Variants in TTC39B observed in about 807,000 individuals in gnomAD.
The protein encoded by TTC39B is tetratricopeptide repeat protein 39B.
Under a neutral mutation model 96.6 loss-of-function variants are expected in TTC39B, and 92 were observed. The ratio of observed to expected loss-of-function variants is 0.95; its 90% CI spans 0.80 to 1.13. The LOEUF (loss-of-function observed/expected upper bound fraction) is 1.13, where lower values mean the gene tolerates loss of function less well. TTC39B is among the 50% of genes most tolerant of loss of function. The pLI is 0.00. For missense variants in TTC39B, 955 were observed against 809.3 expected (o/e 1.18, Z -2.18); for synonymous variants, 367 against 299.4 (o/e 1.23, Z -2.33).
At chr9:15,233,699 C>T (rs577634338) in intron 2 of TTC39B, among the ~76,000 whole-genome samples, 231 of 152,298 alleles carry the variant, frequency 1.5e-3, no homozygotes, top group Non-Finnish European at 2.8e-3. Context: ...GTGATCTCGG[C>T]TCGCTACAAC....
At chr9:15,280,038 A>G (rs1198540017) in intron 1 of TTC39B, among the ~76,000 whole-genome samples, 8 of 151,696 alleles carry the variant, frequency 5.3e-5, no homozygotes, top group Non-Finnish European at 1.2e-4. Flanking sequence ...TGGGACTACA[A>G]GTACATGCCA....
intron 18 of TTC39B, 126 bp from the exon 19 acceptor site, chr9:15,175,261 G>A: frequency 1.5e-6 from 1 of 646,880 alleles, no homozygotes; most frequent in Middle Eastern, 4.1e-4. Flanking sequence ...TAGAAAGGCG[G>A]CCATTGTATA....
chr9:15,290,563 C>T (rs1824146450), intron 1 of TTC39B, among the ~76,000 whole-genome samples: 1 of 152,228 alleles, frequency 6.6e-6, no homozygotes, highest in African/African-American at 2.4e-5. Context: ...ATCCTACCAT[C>T]CACCCAGAGA....
intron 4 of TTC39B, among the ~76,000 whole-genome samples, chr9:15,213,179 G>C (rs1026982770): frequency 6.6e-6 from 1 of 151,944 alleles, no homozygotes; most frequent in African/African-American, 2.4e-5. Context: ...CTGAGAGAGG[G>C]AAAGACAAGC....
At chr9:15,211,231 C>G in intron 5 of TTC39B, 35 bp downstream of exon 5, 1 of 1,413,918 alleles carries the variant, frequency 7.1e-7, no homozygotes, top group African/African-American at 1.5e-5. Context: ...TAAAAGTTTG[C>G]AGTCACATCT....
At chr9:15,259,333 G>C (rs1822864863) in intron 2 of TTC39B, among the ~76,000 whole-genome samples, 1 of 152,174 alleles carries the variant, frequency 6.6e-6, no homozygotes, top group Non-Finnish European at 1.5e-5. Context: ...CCTGCTTGAA[G>C]TTGTTGGGGG....
chr9:15,273,848 T>TGAGA (rs1339524522), intron 1 of TTC39B, among the ~76,000 whole-genome samples: 1 of 152,166 alleles, frequency 6.6e-6, no homozygotes, highest in Non-Finnish European at 1.5e-5. Flanking sequence ...CCCATGGAGA[T>TGAGA]GAGACATGAA....
chr9:15,277,596 G>A (rs534119593), intron 1 of TTC39B, among the ~76,000 whole-genome samples: 1 of 152,170 alleles, frequency 6.6e-6, no homozygotes, highest in African/African-American at 2.4e-5. Context: ...GTGAGACATT[G>A]GAAGACACAG....
intron 1 of TTC39B, among the ~76,000 whole-genome samples, chr9:15,297,030 G>A (rs3905248): frequency 0.16 from 24,136 of 152,116 alleles, 3,466 homozygotes; most frequent in African/African-American, 0.39. Flanking sequence ...AGCCAAACTC[G>A]GTAGCTAAGC....
intron 8 of TTC39B, among the ~76,000 whole-genome samples, chr9:15,195,556 G>C (rs1564332702): frequency 6.6e-6 from 1 of 151,494 alleles, no homozygotes; most frequent in Non-Finnish European, 1.5e-5. Context: ...TGTAGCCTCA[G>C]CTACTCGGGA....
intron 2 of TTC39B, among the ~76,000 whole-genome samples, chr9:15,234,867 T>A (rs186609776): frequency 4.0e-5 from 6 of 151,868 alleles, no homozygotes; most frequent in African/African-American, 1.5e-4. Context: ...TCCCTAATCT[T>A]AAGTACCCAG....
chr9:15,214,986 C>T (rs1820427370), intron 3 of TTC39B, among the ~76,000 whole-genome samples: 1 of 152,180 alleles, frequency 6.6e-6, no homozygotes, highest in Non-Finnish European at 1.5e-5. Context: ...AACCAGCACG[C>T]ATGTTTGGCT....
chr9:15,282,025 G>A (rs753111289), intron 1 of TTC39B, among the ~76,000 whole-genome samples: 8 of 151,882 alleles, frequency 5.3e-5, no homozygotes, highest in African/African-American at 9.7e-5. Flanking sequence ...CAATTATACC[G>A]TAAAACAAAT....
At chr9:15,256,601 G>A (rs563560949) in intron 2 of TTC39B, among the ~76,000 whole-genome samples, 2 of 152,282 alleles carry the variant, frequency 1.3e-5, no homozygotes, top group East Asian at 3.9e-4. Context: ...ATGAGAAATG[G>A]AGTGATAGAA....
rs16932979 is a variant in TTC39B, at chr9:15,299,737, C to G, written c.240+7347G>C. ...AGATTGGTCGGCTGTCAACAGATGG[C>G]TAGATGGAAACTCTGAGCTTCACTG... On this transcript the variant is annotated intron_variant, in intron 1 of 19. Coordinates refer to ENST00000512701, the Ensembl canonical transcript of TTC39B. 0.012 allele frequency among the ~76,000 whole-genome samples: 1,849 copies of G among 152,208 alleles called. 92 individuals are homozygous for G. The East Asian group carries it at 0.15, about 13-fold the overall frequency.
chr9:15,233,806 C>T lies in TTC39B; in HGVS notation c.276-7794G>A, dbSNP rs534437910. 2.1e-3 allele frequency among the ~76,000 whole-genome samples: 318 copies of T among 152,078 alleles called. 3 individuals carry two copies. Among genetic ancestry groups the T allele is most frequent in the Middle Eastern group, 0.01 (3 of 294 alleles). On this transcript the variant is annotated intron_variant, in intron 2 of 19. Transcript: ENST00000512701. The stretch of plus-strand genomic sequence containing the variant: ...GTCTGGGAAGTGAGGAGCGTCTCTG[C>T]CTGGCCGCCCATCCTCTGGGATGTG...
chr9:15,297,911 C>T (rs1168576639), intron 1 of TTC39B, among the ~76,000 whole-genome samples: 1 of 152,016 alleles, frequency 6.6e-6, no homozygotes, highest in Non-Finnish European at 1.5e-5. Context: ...TTAAGGGATA[C>T]CCAGATAGAG....
chr9:15,278,190 G>A (rs527911794), intron 1 of TTC39B, among the ~76,000 whole-genome samples: 10 of 152,204 alleles, frequency 6.6e-5, no homozygotes, highest in Admixed American at 2.6e-4. Flanking sequence ...AAGTCCTAAG[G>A]TCAGTACTTA....
intron 19 of TTC39B, among the ~76,000 whole-genome samples, chr9:15,173,566 G>C (rs748056730): frequency 6.6e-6 from 1 of 152,024 alleles, no homozygotes; most frequent in East Asian, 1.9e-4. Context: ...ACACTATTTG[G>C]TTGGCTTTCC....
Sources: allele counts gnomAD v4.1 joint callset (sites outside exome capture counted in the v4.1 genomes callset), GRCh38; gene constraint gnomAD v4.1.1; transcripts MANE v1.5; gene names NCBI Gene and HGNC (gene_info 2026-07-23, HGNC 2026-07-21).